DAPK1: variants seen among roughly 807,000 people sequenced by gnomAD.
DAPK1 encodes the protein death associated protein kinase 1.
A neutral mutation model predicts 144.9 loss-of-function variants in DAPK1; 56 were observed. The ratio of observed to expected loss-of-function variants is 0.39; its 90% CI spans 0.31 to 0.48. The LOEUF is 0.48. Ranked by LOEUF, DAPK1 falls within the 20% of genes least tolerant of loss-of-function variation. DAPK1 has a pLI of 0.95. For missense variants in DAPK1, 1,454 were observed against 1,875.4 expected (o/e 0.78, Z 4.15); for synonymous variants, 690 against 749.0 (o/e 0.92, Z 1.29).
chr9:87,518,541 A>G (rs928264568), intron 2 of DAPK1, among the ~76,000 whole-genome samples: 1 of 152,002 alleles, frequency 6.6e-6, no homozygotes, highest in Admixed American at 6.6e-5. Flanking sequence ...TTTTTTAATG[A>G]TGCTTGAAAA....
chr9:87,498,077 G>A lies in DAPK1; in HGVS notation c.-139G>A, dbSNP rs1824244397. On this transcript the variant is annotated 5_prime_UTR_variant, in exon 1 of 26. Coordinates refer to ENST00000408954, the MANE Select transcript of DAPK1 (RefSeq NM_004938.4). ...TATGGTCGGCCTCCGACAGCGCTCC[G>A]GAGGGACCGGGGGAGCTCCCAGGCG... The A allele has an allele frequency of 5.1e-6, 2 of 394,956 alleles. No individual in the cohort carries two copies. The highest frequency in any genetic ancestry group is 1.3e-4 in the South Asian group (1 of 7,598). The allele number at this position is 394,956 out of a possible 1,614,324, so 24.5% of individuals were successfully genotyped here. A position where few individuals can be genotyped will look rare whatever the true frequency, so the allele number is the denominator to read the frequency against.
upstream of DAPK1, chr9:87,497,751 G>A (rs1157265197): frequency 6.5e-6 from 2 of 308,302 alleles, no homozygotes; most frequent in East Asian, 5.3e-5. Context: ...CCGCAGCGCC[G>A]GCCTGGCAGG....
intron 3 of DAPK1, among the ~76,000 whole-genome samples, chr9:87,617,675 C>T (rs1468792628): frequency 6.6e-6 from 1 of 152,170 alleles, no homozygotes; most frequent in African/African-American, 2.4e-5. Flanking sequence ...CAATTGTCAC[C>T]TCCTAATCAA....
intron 2 of DAPK1, among the ~76,000 whole-genome samples, chr9:87,571,458 CACACACACACACACACCA>C (rs1564000678): frequency 1.6e-3 from 106 of 66,506 alleles, no homozygotes; most frequent in African/African-American, 3.1e-3. Context: ...CACACACACA[CACACACACACACACACCA>C]ACACACACAC....
rs1375849116 is a variant in DAPK1, at chr9:87,707,100, C to T, written c.4029C>T (p.Tyr1343=). 2 of 1,614,086 alleles carry T rather than the reference C, an allele frequency of 1.2e-6. No individual in the cohort carries two copies. Among genetic ancestry groups the T allele is most frequent in the Non-Finnish European group, 1.7e-6 (2 of 1,179,964 alleles). ...GCCTCCCTGACCTCGTGGCAAAGTA[C>T]AACACCAGTAACGGGGCTCCCAAGG... ...NLGLPDLVAK[Y]NTSNGAPKDF... The change falls in exon 26 of 26, where the codon TAC becomes TAT. Residue 1343 remains tyrosine, a synonymous_variant. Transcript: ENST00000408954. The surrounding 1 kb of genome is among the most constrained non-coding windows in gnomAD (Gnocchi z 4.0).
At chr9:87,695,118 C>T (rs1308167739) in intron 21 of DAPK1, among the ~76,000 whole-genome samples, 1 of 152,192 alleles carries the variant, frequency 6.6e-6, no homozygotes, top group African/African-American at 2.4e-5. Context: ...TCTTGGGACC[C>T]CAGGCCCTGC....
chr9:87,674,514 CAAAAAAAAAAAA>C (rs35817698), intron 19 of DAPK1, among the ~76,000 whole-genome samples: 39 of 67,622 alleles, frequency 5.8e-4, no homozygotes, highest in Admixed American at 1.6e-3. Flanking sequence ...GACTCTGTCT[CAAAAAAAAAAAA>C]AAAAAAAAAA....
intron 11 of DAPK1, 136 bp downstream of exon 11, chr9:87,643,604 G>C (rs1360786431): frequency 3.3e-6 from 2 of 605,938 alleles, no homozygotes; most frequent in Non-Finnish European, 5.8e-6. Flanking sequence ...CCCTCGGAGG[G>C]GTTTGGGGGT....
rs1295491633 is a variant in DAPK1 at position 87,708,070 on chromosome 9, G to A, written c.*706G>A. The A allele has an allele frequency of 1.3e-5, 4 of 302,922 alleles. No homozygotes were observed. Among genetic ancestry groups the A allele is most frequent in the Non-Finnish European group, 1.9e-5 (3 of 155,112 alleles). The allele number at this position is 302,922 out of a possible 1,614,324, so 18.8% of individuals were successfully genotyped here. A position where few individuals can be genotyped will look rare whatever the true frequency, so the allele number is the denominator to read the frequency against. On this transcript the variant is annotated 3_prime_UTR_variant, in exon 26 of 26. Transcript: ENST00000408954. ...TTTCTGTTTTGTTTGGCAAGGAAAG[G>A]GGAGAAGGGAATCCTCCTCCAGGGT...
chr9:87,625,462 G>T (rs4878112), intron 3 of DAPK1, among the ~76,000 whole-genome samples: 19 of 152,214 alleles, frequency 1.2e-4, no homozygotes, highest in African/African-American at 4.3e-4. Context: ...TAAATGCAGA[G>T]TGGGGAGGAG....
chr9:87,517,106 C>G (rs1316663807), intron 2 of DAPK1, among the ~76,000 whole-genome samples: 1 of 120,840 alleles, frequency 8.3e-6, no homozygotes, highest in Non-Finnish European at 1.8e-5. Context: ...GGGAGCCACC[C>G]AGGGTGGTGC....
intron 3 of DAPK1, among the ~76,000 whole-genome samples, chr9:87,616,907 A>T (rs1829118359): frequency 6.6e-6 from 1 of 152,218 alleles, no homozygotes; most frequent in African/African-American, 2.4e-5. Flanking sequence ...CTTTTGATTC[A>T]GTCTCTATGA....
chr9:87,627,138 G>A (rs1829518280), intron 3 of DAPK1, among the ~76,000 whole-genome samples: 1 of 152,182 alleles, frequency 6.6e-6, no homozygotes, highest in African/African-American at 2.4e-5. Flanking sequence ...AGACCCAGCA[G>A]GTTGGCCATG....
At chr9:87,546,011 T>C (rs1260314731) in intron 2 of DAPK1, among the ~76,000 whole-genome samples, 2 of 152,200 alleles carry the variant, frequency 1.3e-5, no homozygotes, top group African/African-American at 4.8e-5. Context: ...GTACAGATTC[T>C]CAGTACTTCC....
intron 19 of DAPK1, among the ~76,000 whole-genome samples, chr9:87,679,618 A>G (rs1022087416): frequency 6.6e-6 from 1 of 152,140 alleles, no homozygotes; most frequent in African/African-American, 2.4e-5. Context: ...GTATCTCCCC[A>G]AGACCATGGA....
intron 18 of DAPK1, among the ~76,000 whole-genome samples, chr9:87,665,878 G>A (rs936390638): frequency 4.6e-5 from 7 of 152,294 alleles, no homozygotes; most frequent in Middle Eastern, 3.4e-3. Flanking sequence ...CAGGGCTCAC[G>A]TTGAGATGAT....
intron 22 of DAPK1, among the ~76,000 whole-genome samples, chr9:87,697,462 T>G (rs1825299646): frequency 6.6e-6 from 1 of 152,248 alleles, no homozygotes; most frequent in Non-Finnish European, 1.5e-5. Context: ...CATGATTGCA[T>G]ATTCCTGCCT....
rs1333456652 is a variant in DAPK1, at chr9:87,707,322, C to G, written c.4251C>G (p.Ser1417Arg). 31 of 1,611,396 alleles carry G rather than the reference C, an allele frequency of 1.9e-5. No homozygotes were observed. The highest frequency in any genetic ancestry group is 2.6e-5 in the Non-Finnish European group (31 of 1,178,330). Residue 1417 changes from serine to arginine, a missense_variant, in exon 26 of 26, where the codon AGC becomes AGG. Physicochemically the swap from Ser to Arg is moderately radical, Grantham distance 110. This residue lies in a region of DAPK1 where 1,025 missense variants were observed against 1,237.9 expected (regional missense o/e 0.83). Coordinates refer to ENST00000408954, the MANE Select transcript of DAPK1 (RefSeq NM_004938.4). This position sits in a 1 kb window ranked among gnomAD's most constrained non-coding sequence, Gnocchi z 4.0. ...GQEAYASSCN[S>R]GTSYNSISSV... ...AGGCCTATGCCTCGAGCTGCAACAG[C>G]GGCACCTCTTACAATTCCATTAGCT...
At chr9:87,665,829 T>C (rs970508723) in intron 18 of DAPK1, among the ~76,000 whole-genome samples, 21 of 152,220 alleles carry the variant, frequency 1.4e-4, no homozygotes, top group African/African-American at 5.1e-4. Flanking sequence ...ACACCGTGAT[T>C]TCTGGACCCA....
Sources: allele counts gnomAD v4.1 joint callset (sites outside exome capture counted in the v4.1 genomes callset), GRCh38; gene constraint gnomAD v4.1.1; regional missense constraint gnomAD v4.1.1; non-coding constraint Gnocchi (gnomAD v3.1); transcripts MANE v1.5; gene names NCBI Gene and HGNC (gene_info 2026-07-23, HGNC 2026-07-21).